Variants in EYS observed in about 807,000 individuals in gnomAD.
EYS encodes EGF-like photoreceptor maintenance factor.
Under a neutral mutation model 282.1 loss-of-function variants are expected in EYS, and 250 were observed. That is an observed-to-expected ratio of 0.89 (90% confidence interval 0.80 to 0.98). The LOEUF (loss-of-function observed/expected upper bound fraction) is 0.98. Ranked by LOEUF, EYS falls within the 50% of genes least tolerant of loss-of-function variation. The pLI is 0.00. For synonymous variants in EYS, 1,355 were observed against 1,282.9 expected (o/e 1.06, Z -1.20); for missense variants, 4,016 against 3,709.0 (o/e 1.08, Z -2.15).
At chr6:64,670,517 A>C (rs1411985501) in intron 22 of EYS, among the ~76,000 whole-genome samples, 2 of 152,156 alleles carry the variant, frequency 1.3e-5, no homozygotes, top group Admixed American at 1.3e-4. Flanking sequence ...TTGCTTTATT[A>C]TTATTGCATT....
At chr6:64,162,270 T>C (rs1775129988) in intron 31 of EYS, among the ~76,000 whole-genome samples, 1 of 152,140 alleles carries the variant, frequency 6.6e-6, no homozygotes, top group Non-Finnish European at 1.5e-5. Context: ...AATATTTCTG[T>C]GGTTATTTGA....
chr6:64,173,127 G>A (rs1180308789), intron 31 of EYS, among the ~76,000 whole-genome samples: 1 of 152,096 alleles, frequency 6.6e-6, no homozygotes, highest in Non-Finnish European at 1.5e-5. Context: ...ATAGTCTTGA[G>A]TATTCTTCTG....
intron 29 of EYS, 78 bp from the exon 30 acceptor site, chr6:64,307,160 G>C (rs753703507): frequency 4.0e-6 from 3 of 750,190 alleles, no homozygotes; most frequent in Non-Finnish European, 6.8e-6. Flanking sequence ...CTTCAAACTG[G>C]TCAGGGTATG....
intron 22 of EYS, among the ~76,000 whole-genome samples, chr6:64,770,350 C>T (rs1459847658): frequency 1.3e-5 from 2 of 151,808 alleles, no homozygotes; most frequent in African/African-American, 2.4e-5. Flanking sequence ...TTTTTGTCCG[C>T]TGATAAAAAG....
At chr6:65,668,077 T>C (rs1768260769) in intron 1 of EYS, among the ~76,000 whole-genome samples, 1 of 151,874 alleles carries the variant, frequency 6.6e-6, no homozygotes, top group African/African-American at 2.4e-5. Flanking sequence ...CTCTAACTCT[T>C]CCATAAGTTT....
intron 26 of EYS, among the ~76,000 whole-genome samples, chr6:64,478,247 T>C (rs74378220): frequency 1.2e-4 from 18 of 152,122 alleles, no homozygotes; most frequent in Non-Finnish European, 2.4e-4. Flanking sequence ...ATGTTTTCAA[T>C]CATATTTACT....
At chr6:63,730,850 T>C (rs1242963682) in intron 41 of EYS, among the ~76,000 whole-genome samples, 1 of 151,874 alleles carries the variant, frequency 6.6e-6, no homozygotes, top group Non-Finnish European at 1.5e-5. Context: ...TGAAACCCCG[T>C]CTCTACTAAA....
chr6:65,648,391 T>C, intron 1 of EYS, among the ~76,000 whole-genome samples: 1 of 150,782 alleles, frequency 6.6e-6, no homozygotes, highest in Non-Finnish European at 1.5e-5. Context: ...AGGAATGAAA[T>C]AATGGTATTT....
intron 33 of EYS, among the ~76,000 whole-genome samples, chr6:64,042,446 A>G (rs1184627604): frequency 6.6e-6 from 1 of 152,176 alleles, no homozygotes; most frequent in Non-Finnish European, 1.5e-5. Flanking sequence ...GTTACTTTTC[A>G]TGGTAGAGTC....
At chr6:65,049,821 A>C (rs1394732281) in intron 13 of EYS, among the ~76,000 whole-genome samples, 3 of 151,712 alleles carry the variant, frequency 2.0e-5, no homozygotes, top group African/African-American at 7.2e-5. Flanking sequence ...ACATTTCTCT[A>C]AGTTTACCAG....
chr6:65,599,827 A>G (rs902671318), intron 2 of EYS, among the ~76,000 whole-genome samples: 2 of 152,006 alleles, frequency 1.3e-5, no homozygotes, highest in African/African-American at 4.8e-5. Flanking sequence ...AACTTATTTT[A>G]TAAGGTTTCA....
intron 30 of EYS, among the ~76,000 whole-genome samples, chr6:64,264,814 G>C (rs1404914403): frequency 6.6e-6 from 1 of 152,064 alleles, no homozygotes; most frequent in African/African-American, 2.4e-5. Context: ...TGAGGCAGAA[G>C]AATCTCTTGA....
At chr6:64,797,552 T>G (rs1046717839) in intron 22 of EYS, among the ~76,000 whole-genome samples, 8 of 152,030 alleles carry the variant, frequency 5.3e-5, no homozygotes, top group African/African-American at 1.7e-4. Context: ...ACCTCATATA[T>G]TATATCTCAC....
At chr6:65,384,968 G>T (rs1467564778) in intron 7 of EYS, among the ~76,000 whole-genome samples, 3 of 151,792 alleles carry the variant, frequency 2.0e-5, no homozygotes, top group African/African-American at 7.2e-5. Flanking sequence ...TAGGACTTCT[G>T]TTTGTTAGTT....
intron 22 of EYS, among the ~76,000 whole-genome samples, chr6:64,634,880 G>A (rs571319226): frequency 1.3e-5 from 2 of 152,268 alleles, no homozygotes; most frequent in South Asian, 4.1e-4. Flanking sequence ...CAAGCATGAT[G>A]GGGATGGCAT....
intron 13 of EYS, among the ~76,000 whole-genome samples, chr6:65,016,994 C>T (rs778893750): frequency 5.3e-5 from 8 of 152,140 alleles, no homozygotes; most frequent in Non-Finnish European, 1.0e-4. Context: ...ATGGTTGCTG[C>T]TATCTATCAT....
At chr6:64,518,566 T>C (rs1437766609) in intron 26 of EYS, among the ~76,000 whole-genome samples, 1 of 151,780 alleles carries the variant, frequency 6.6e-6, no homozygotes, top group Non-Finnish European at 1.5e-5. Context: ...TAGTTGATAA[T>C]CACATTTAAA....
intron 2 of EYS, among the ~76,000 whole-genome samples, chr6:65,550,151 T>TCATGGCATCTCACAC (rs1768559827): frequency 1.4e-4 from 3 of 21,170 alleles, no homozygotes; most frequent in Admixed American, 7.8e-4. Context: ...ATCTTTTTTT[T>TCATGGCATCTCACAC]TTTTTTTTTT....
intron 1 of EYS, among the ~76,000 whole-genome samples, chr6:65,681,279 A>T (rs1352936853): frequency 6.6e-6 from 1 of 151,984 alleles, no homozygotes; most frequent in East Asian, 1.9e-4. Flanking sequence ...AACTGTCATC[A>T]TCTGTGGGGG....
Sources: gnomAD v4.1 joint callset for allele counts (sites outside exome capture counted in the v4.1 genomes callset) on GRCh38, gnomAD v4.1.1 for gene constraint, MANE v1.5 for transcripts, NCBI Gene and HGNC (gene_info 2026-07-23, HGNC 2026-07-21) for gene names.